SYNE2: variants seen among roughly 807,000 people sequenced by gnomAD.
The protein encoded by SYNE2 is nesprin-2.
SYNE2 carries 431 observed loss-of-function variants against 856.3 expected under a neutral mutation model. That is an observed-to-expected ratio of 0.50 (90% CI 0.47 to 0.55). SYNE2 has a LOEUF of 0.55. SYNE2 is among the 20% of genes least tolerant of loss of function. The pLI is 0.00. For synonymous variants in SYNE2, 2,923 were observed against 2,872.3 expected (o/e 1.02, Z -0.56); for missense variants, 8,129 against 8,023.2 (o/e 1.01, Z -0.50).
In SYNE2 at chr14:63,920,951, T is replaced by TA. The variant is rs201094799; in HGVS notation, c.79+11730dup. Among the ~76,000 whole-genome samples the TA allele has an allele frequency of 1.2e-3, 180 of 151,804 alleles. 2 individuals carry two copies. In the East Asian group the frequency reaches 0.015, roughly 13 times the overall value. ...CAACATGGCAAAACCCTGTCTCTAC[T>TA]AAAAAATACAAAAATTAGCTGGGCG... On this transcript the variant is annotated intron_variant, in intron 2 of 115. Coordinates refer to ENST00000555002, the MANE Select transcript of SYNE2 (RefSeq NM_182914.3).
chr14:64,143,868 T>C lies in SYNE2; in HGVS notation c.15403T>C (p.Tyr5135His), dbSNP rs2098160685. The C allele has an allele frequency of 1.2e-6, 2 of 1,614,062 alleles. No individual in the cohort carries two copies. Among genetic ancestry groups the C allele is most frequent in the Non-Finnish European group, 8.5e-7 (1 of 1,180,032 alleles). The change falls in exon 83 of 116, where the codon TAT becomes CAT. Residue 5135 changes from tyrosine to histidine, a missense_variant. By Grantham distance (83) the Tyr-to-His change is moderately conservative. Transcript: ENST00000555002. Reference protein sequence around the residue: ...LSTCDVESKRYERTEFAEHLG... With the variant: ...LSTCDVESKRHERTEFAEHLG... Reference sequence around the variant, plus strand: ...CACCTGTGATGTAGAAAGCAAGCGCTATGAAAGAACGGAGTTTGCAGAGCA... The same window carrying C: ...CACCTGTGATGTAGAAAGCAAGCGCCATGAAAGAACGGAGTTTGCAGAGCA...
intron 38 of SYNE2, 102 bp downstream of exon 38, chr14:64,022,965 A>C: frequency 3.2e-5 from 23 of 712,138 alleles, no homozygotes; most frequent in Middle Eastern, 3.8e-4. Flanking sequence ...ATGGTAACTC[A>C]CACCTGTAAT....
intron 73 of SYNE2, among the ~76,000 whole-genome samples, chr14:64,127,720 G>A (rs2097962804): frequency 6.6e-6 from 1 of 152,126 alleles, no homozygotes; most frequent in Non-Finnish European, 1.5e-5. Context: ...TAATGAAAAA[G>A]AAATGAAACC....
intron 1 of SYNE2, among the ~76,000 whole-genome samples, chr14:63,796,641 G>A (rs529203081): frequency 2.0e-5 from 3 of 152,132 alleles, no homozygotes; most frequent in Non-Finnish European, 4.4e-5. Flanking sequence ...CACAAATAAG[G>A]AAGAGTACCT....
chr14:63,902,762 C>T (rs957751210), intron 1 of SYNE2, among the ~76,000 whole-genome samples: 5 of 151,756 alleles, frequency 3.3e-5, no homozygotes, highest in African/African-American at 4.8e-5. Flanking sequence ...GGCATGAACA[C>T]GACTCACTGC....
At chr14:64,080,043 G>C (rs2153611426) in intron 55 of SYNE2, among the ~76,000 whole-genome samples, 1 of 149,284 alleles carries the variant, frequency 6.7e-6, no homozygotes, top group East Asian at 2.0e-4. Flanking sequence ...GATTAAGAGA[G>C]CGTGTGTGTG....
chr14:64,223,067 C>T (rs2098702357), intron 112 of SYNE2, 122 bp from the exon 113 acceptor site: 1 of 950,152 alleles, frequency 1.1e-6, no homozygotes, highest in East Asian at 2.5e-5. Context: ...ATAGAGGATT[C>T]TCGAGTTGAG....
At chr14:64,133,967 G>C in intron 77 of SYNE2, 102 bp from the exon 78 acceptor site, 1 of 1,391,182 alleles carries the variant, frequency 7.2e-7, no homozygotes, top group Admixed American at 1.7e-5. Context: ...CTTTAATTTT[G>C]TATGGTCTTG....
rs145031420 is a variant in SYNE2, at chr14:64,166,442, C to T, written c.16606-791C>T. On this transcript the variant is annotated intron_variant, in intron 90 of 115. Coordinates refer to ENST00000555002, the MANE Select transcript of SYNE2 (RefSeq NM_182914.3). Reference sequence around the variant, plus strand: ...GTTTGCTTGTCAGCTTAGAAGCTGTCGCTGGAATATCTTTTTAAAAATGAA... The same window carrying T: ...GTTTGCTTGTCAGCTTAGAAGCTGTTGCTGGAATATCTTTTTAAAAATGAA... Among the ~76,000 whole-genome samples the T allele has an allele frequency of 8.3e-4, 126 of 152,244 alleles. 2 individuals are homozygous for T. The highest frequency in any genetic ancestry group is 7.5e-3 in the East Asian group (39 of 5,186).
chr14:64,171,714 C>T (rs1476183370), intron 94 of SYNE2, among the ~76,000 whole-genome samples: 1 of 152,148 alleles, frequency 6.6e-6, no homozygotes, highest in African/African-American at 2.4e-5. Context: ...GCAGTAGTGG[C>T]AGGAGGTGAA....
intron 7 of SYNE2, 102 bp downstream of exon 7, chr14:63,950,108 A>T (rs1359371506): frequency 1.6e-5 from 20 of 1,241,034 alleles, no homozygotes; most frequent in Non-Finnish European, 2.1e-5. Context: ...GAAAATTCTC[A>T]CTATCCCCCT....
chr14:64,143,671 A>T, intron 82 of SYNE2, 101 bp from the exon 83 acceptor site: 3 of 1,268,024 alleles, frequency 2.4e-6, no homozygotes, highest in Non-Finnish European at 2.3e-6. Context: ...CCCCTTGATT[A>T]ATGGACGGGA....
At chr14:63,953,078 A>C (rs1197347574) in intron 7 of SYNE2, among the ~76,000 whole-genome samples, 1 of 152,204 alleles carries the variant, frequency 6.6e-6, no homozygotes, top group Non-Finnish European at 1.5e-5. Context: ...GAATGAGTCT[A>C]CAGTGGTGAA....
chr14:63,786,008 T>C (rs1301777332), intron 1 of SYNE2, among the ~76,000 whole-genome samples: 1 of 152,084 alleles, frequency 6.6e-6, no homozygotes, highest in Admixed American at 6.6e-5. Flanking sequence ...CCCAGCACTT[T>C]GGGAGGCTGA....
chr14:63,788,422 C>T (rs1324505561), intron 1 of SYNE2, among the ~76,000 whole-genome samples: 7 of 152,144 alleles, frequency 4.6e-5, no homozygotes, highest in African/African-American at 1.7e-4. Context: ...AGCAGTGGGT[C>T]AGGCAGCTGC....
rs370495077 is a variant in SYNE2, at chr14:64,057,066, GTAA to G, written c.10067+805_10067+807del. Among the ~76,000 whole-genome samples, 15 of 152,086 alleles carry G rather than the reference GTAA, an allele frequency of 9.9e-5. No individual in the cohort carries two copies. The East Asian group carries it at 1.2e-3, about 12-fold the overall frequency. ...GAATATTTTGATACGGGTAATCAGT[GTAA>G]TAATTGCATCAGGGTAGATGAGATA... On this transcript the variant is annotated intron_variant, in intron 49 of 115. Transcript: ENST00000555002.
At position 63,980,635 on chromosome 14, in the gene SYNE2, T is replaced by C. The variant is rs186882913; in HGVS notation, c.1570-19T>C. 8.5e-4 allele frequency: 1,284 copies of C among 1,509,266 alleles called. 10 individuals are homozygous for C. The African/African-American group carries it at 0.015, about 18-fold the overall frequency. The allele number at this position is 1,509,266 out of a possible 1,614,324, so 93.5% of individuals were successfully genotyped here. A position where few individuals can be genotyped will look rare whatever the true frequency, so the allele number is the denominator to read the frequency against. On this transcript the variant is annotated intron_variant, in intron 14 of 115. Transcript: ENST00000555002. ...TTTAAAAGTAAAAACTGTCAATATGTTTTTTGTTTTCTTCCCAGAAATTTA... is the reference window on the plus strand; with the variant it reads ...TTTAAAAGTAAAAACTGTCAATATGCTTTTTGTTTTCTTCCCAGAAATTTA...
At chr14:64,126,245 C>T in intron 71 of SYNE2, 82 bp from the exon 72 acceptor site, 1 of 1,259,108 alleles carries the variant, frequency 7.9e-7, no homozygotes, top group African/African-American at 1.5e-5. Context: ...AAATCATAAA[C>T]TATAATGGAA....
intron 7 of SYNE2, among the ~76,000 whole-genome samples, chr14:63,952,341 C>T (rs1018302135): frequency 3.9e-5 from 6 of 152,226 alleles, no homozygotes; most frequent in African/African-American, 1.4e-4. Flanking sequence ...AGCCGCCATC[C>T]TTTAGTTATT....
Sources: allele counts gnomAD v4.1 joint callset (sites outside exome capture counted in the v4.1 genomes callset), GRCh38; gene constraint gnomAD v4.1.1; transcripts MANE v1.5; gene names NCBI Gene and HGNC (gene_info 2026-07-23, HGNC 2026-07-21).